IL17RA: variants seen among roughly 807,000 people sequenced by gnomAD.
The protein encoded by IL17RA is interleukin 17 receptor A, also known as interleukin-17 receptor A.
IL17RA carries 34 observed loss-of-function variants against 50.4 expected under a neutral mutation model. The ratio of observed to expected loss-of-function variants is 0.67; its 90% CI spans 0.51 to 0.90. The LOEUF (loss-of-function observed/expected upper bound fraction) is 0.90. Among genes scored for constraint, IL17RA ranks in the 40% least tolerant of loss-of-function variants. IL17RA has a pLI of 0.00. For missense variants in IL17RA, 1,276 were observed against 1,169.8 expected (o/e 1.09, Z -1.32); for synonymous variants, 585 against 510.4 (o/e 1.15, Z -1.97).
intron 1 of IL17RA, among the ~76,000 whole-genome samples, chr22:17,086,137 G>GA (rs950527615): frequency 4.0e-5 from 6 of 151,724 alleles, no homozygotes; most frequent in Non-Finnish European, 7.4e-5. Flanking sequence ...CCATCTTAAG[G>GA]AAAAAAACAA....
At chr22:17,105,316 G>A (rs2061409644) in intron 9 of IL17RA, among the ~76,000 whole-genome samples, 1 of 152,202 alleles carries the variant, frequency 6.6e-6, no homozygotes, top group African/African-American at 2.4e-5. Flanking sequence ...ATGCACGGGA[G>A]GCTGCAGCCA....
Position 17,110,087 on chromosome 22 carries a change from A to T in IL17RA, c.*267A>T. On this transcript the variant is annotated 3_prime_UTR_variant, in exon 13 of 13. Coordinates refer to ENST00000319363, the MANE Select transcript of IL17RA (RefSeq NM_014339.7). ...GTCCTTGAGGCTCCATTATTCGTTC[A>T]TTCAGCATTTATTGTGCACCTACTA... 1 of 522,444 alleles carries T rather than the reference A, an allele frequency of 1.9e-6. No individual in the cohort carries two copies. Among genetic ancestry groups the T allele is most frequent in the Non-Finnish European group, 3.5e-6 (1 of 289,060 alleles). The allele number at this position is 522,444 out of a possible 1,614,324, so 32.4% of individuals were successfully genotyped here.
rs2061464290 is a variant in IL17RA, at chr22:17,115,515, C to T, written c.*5695C>T. The T allele has an allele frequency of 1.3e-5, 2 of 151,998 alleles. No homozygotes were observed. Among genetic ancestry groups the T allele is most frequent in the Non-Finnish European group, 2.9e-5 (2 of 68,028 alleles). 9.4% of individuals were successfully genotyped at this position (151,998 alleles called of 1,614,324 possible). On this transcript the variant is annotated 3_prime_UTR_variant, in exon 13 of 13. Transcript: ENST00000319363. ...AGTGAAACGCCTGCTTAGCATTTGGCACAGCCAGAAGCAGCAAGCTAGGGT... is the reference window on the plus strand; with the variant it reads ...AGTGAAACGCCTGCTTAGCATTTGGTACAGCCAGAAGCAGCAAGCTAGGGT...
intron 1 of IL17RA, among the ~76,000 whole-genome samples, chr22:17,088,555 G>A (rs2061336657): frequency 6.6e-6 from 1 of 151,740 alleles, no homozygotes; most frequent in Non-Finnish European, 1.5e-5. Context: ...GCATGATCTC[G>A]GCTCACTGCA....
Position 17,114,552 on chromosome 22 carries a change from C to T in IL17RA, c.*4732C>T, listed in dbSNP as rs576236277. Reference sequence around the variant, plus strand: ...ACTGGATCCTTCCTCTCTGATGAGACAGGAAGAAGGTACACAGTGACCAGG... The same window carrying T: ...ACTGGATCCTTCCTCTCTGATGAGATAGGAAGAAGGTACACAGTGACCAGG... On this transcript the variant is annotated 3_prime_UTR_variant, in exon 13 of 13. Transcript: ENST00000319363. The T allele has an allele frequency of 1.3e-5, 2 of 152,334 alleles. No individual in the cohort carries two copies. Among genetic ancestry groups the T allele is most frequent in the Admixed American group, 1.3e-4 (2 of 15,296 alleles). The allele number at this position is 152,334 out of a possible 1,614,324, so 9.4% of individuals were successfully genotyped here. A position where few individuals can be genotyped will look rare whatever the true frequency, so the allele number is the denominator to read the frequency against.
intron 12 of IL17RA, 118 bp downstream of exon 12, chr22:17,107,886 C>T: frequency 1.2e-6 from 1 of 866,434 alleles, no homozygotes; most frequent in Non-Finnish European, 1.9e-6. Context: ...GGAGACCCCA[C>T]CTTAGAAACC....
intron 1 of IL17RA, 68 bp downstream of exon 1, chr22:17,085,297 C>T (rs1029914559): frequency 2.0e-6 from 3 of 1,524,790 alleles, no homozygotes. Flanking sequence ...CGCGGAGGGC[C>T]GGACGGTCGG....
Position 17,108,741 on chromosome 22 carries a change from A to G in IL17RA, c.1522A>G (p.Ser508Gly). 1 of 1,611,960 alleles carries G rather than the reference A, an allele frequency of 6.2e-7. No homozygotes were observed. Among genetic ancestry groups the G allele is most frequent in the Non-Finnish European group, 8.5e-7 (1 of 1,179,690 alleles). The change falls in exon 13 of 13, where the codon AGC becomes GGC. Residue 508 changes from serine to glycine, a missense_variant. Transcript: ENST00000319363. ...TYVVCYFSEV[S>G]CDGDVPDLFG... ...CGTAGTCTGCTACTTCAGCGAGGTCAGCTGTGACGGCGACGTCCCCGACCT... is the reference window on the plus strand; with the variant it reads ...CGTAGTCTGCTACTTCAGCGAGGTCGGCTGTGACGGCGACGTCCCCGACCT...
At chr22:17,105,564 TC>T in intron 9 of IL17RA, 26 bp from the exon 10 acceptor site, 1 of 1,608,770 alleles carries the variant, frequency 6.2e-7, no homozygotes, top group Non-Finnish European at 8.5e-7. Flanking sequence ...AATGCTATTT[TC>T]CCTTTTTCCT....
At chr22:17,105,561 T>C in intron 9 of IL17RA, 30 bp from the exon 10 acceptor site, 1 of 1,608,370 alleles carries the variant, frequency 6.2e-7, no homozygotes, top group Non-Finnish European at 8.5e-7. Flanking sequence ...AAGAATGCTA[T>C]TTTCCCTTTT....
intron 2 of IL17RA, 92 bp from the exon 3 acceptor site, chr22:17,097,705 G>C: frequency 6.6e-7 from 1 of 1,522,010 alleles, no homozygotes; most frequent in South Asian, 1.1e-5. Context: ...GGGCCCCTGA[G>C]CTGTTTGCTG....
chr22:17,104,867 C>G (rs1216416408), intron 9 of IL17RA, 57 bp downstream of exon 9: 1 of 1,525,216 alleles, frequency 6.6e-7, no homozygotes, highest in African/African-American at 1.4e-5. Context: ...CTGAAGGCCC[C>G]CAGCCTGTGC....
rs774129156 is a variant in IL17RA at position 17,109,566 on chromosome 22, G to A, written c.2347G>A (p.Glu783Lys). ...CCTCACAGACCCACACACGCCCTAC[G>A]AGGAGGAGCAGCGGCAGTCAGTGCA... is the stretch of plus-strand genomic sequence containing the variant. ...MVLTDPHTPY[E>K]EEQRQSVQSD... The change falls in exon 13 of 13, where the codon GAG becomes AAG. Residue 783 changes from glutamate to lysine, a missense_variant. Glu to Lys is a moderately conservative substitution (Grantham distance 56). Coordinates refer to ENST00000319363, the MANE Select transcript of IL17RA (RefSeq NM_014339.7). 1 of 1,600,762 alleles carries A rather than the reference G, an allele frequency of 6.2e-7. No homozygotes were observed. Among genetic ancestry groups the A allele is most frequent in the Non-Finnish European group, 8.5e-7 (1 of 1,173,694 alleles).
chr22:17,096,981 G>T, intron 1 of IL17RA, 81 bp from the exon 2 acceptor site: 1 of 1,256,738 alleles, frequency 8.0e-7, no homozygotes, highest in East Asian at 2.3e-5. Flanking sequence ...TCCTGAGAAT[G>T]AGCCAGTGGA....
chr22:17,102,257 C>G lies in IL17RA; in HGVS notation c.717C>G (p.His239Gln). 6.2e-7 allele frequency: 1 copy of G among 1,614,198 alleles called. No homozygotes were observed. Among genetic ancestry groups the G allele is most frequent in the Non-Finnish European group, 8.5e-7 (1 of 1,180,042 alleles). ...AGATCCTGCTGACCAGTTTTCCGCA[C>G]ATGGAGAACCACAGTTGCTTTGAGC... Reference protein sequence around the residue: ...HYQILLTSFPHMENHSCFEHM... With the variant: ...HYQILLTSFPQMENHSCFEHM... The change falls in exon 7 of 13, where the codon CAC becomes CAG. Residue 239 changes from histidine (H) to glutamine (Q), a missense_variant. His to Gln is a conservative substitution (Grantham distance 24). Coordinates refer to ENST00000319363, the MANE Select transcript of IL17RA (RefSeq NM_014339.7).
intron 7 of IL17RA, 77 bp from the exon 8 acceptor site, chr22:17,103,417 C>T: frequency 1.7e-6 from 2 of 1,148,762 alleles, no homozygotes; most frequent in Non-Finnish European, 2.6e-6. Flanking sequence ...CTCTCCATGG[C>T]AGTGCCACAG....
rs1273182117 is a variant in IL17RA at position 17,109,144 on chromosome 22, A to G, written c.1925A>G (p.Glu642Gly). ...GCCATAGACCCGCTGGTCGGGGAGG[A>G]AGGAGGAGCAGCAGTGGCAAAGCTG... ...CLAIDPLVGE[E>G]GGAAVAKLEP... Residue 642 changes from glutamate to glycine, a missense_variant, in exon 13 of 13, where the codon GAA becomes GGA. Glu to Gly is a moderately conservative substitution (Grantham distance 98). Coordinates refer to ENST00000319363, the MANE Select transcript of IL17RA (RefSeq NM_014339.7). 4.6e-6 allele frequency: 7 copies of G among 1,536,488 alleles called. No homozygotes were observed. In the African/African-American group the frequency reaches 6.8e-5, roughly 15 times the overall value.
At chr22:17,093,171 A>G (rs962196644) in intron 1 of IL17RA, among the ~76,000 whole-genome samples, 4 of 152,054 alleles carry the variant, frequency 2.6e-5, no homozygotes, top group Admixed American at 2.6e-4. Context: ...GTCTGAGAAT[A>G]TTTTAAGAAT....
At position 17,108,790 on chromosome 22, in the gene IL17RA, C is replaced by T. The variant is rs765683252; in HGVS notation, c.1571C>T (p.Pro524Leu). 3 of 1,607,852 alleles carry T rather than the reference C, an allele frequency of 1.9e-6. No homozygotes were observed. The highest frequency in any genetic ancestry group is 2.2e-5 in the East Asian group (1 of 44,500). Residue 524 changes from proline (P) to leucine (L), a missense_variant, in exon 13 of 13, where the codon CCG (proline) becomes CTG (leucine). Coordinates refer to ENST00000319363, the MANE Select transcript of IL17RA (RefSeq NM_014339.7). ...PDLFGAAPRY[P>L]LMDRFEEVYF... Reference sequence around the variant, plus strand: ...CTGTTCGGCGCGGCGCCGCGGTACCCGCTCATGGACAGGTTCGAGGAGGTG... The same window carrying T: ...CTGTTCGGCGCGGCGCCGCGGTACCTGCTCATGGACAGGTTCGAGGAGGTG...
Sources: gnomAD v4.1 joint callset for allele counts (sites outside exome capture counted in the v4.1 genomes callset) on GRCh38, gnomAD v4.1.1 for gene constraint, MANE v1.5 for transcripts, NCBI Gene and HGNC (gene_info 2026-07-23, HGNC 2026-07-21) for gene names.